The following TSPAN11 variants were observed in gnomAD, a reference collection of about 807,000 sequenced individuals.
TSPAN11 encodes tetraspanin 11.
A neutral mutation model predicts 32.9 loss-of-function variants in TSPAN11; 29 were observed. The ratio of observed to expected loss-of-function variants is 0.88; its 90% CI spans 0.66 to 1.20. The LOEUF is 1.20. TSPAN11 is among the 50% of genes most tolerant of loss of function. The pLI is 0.00. For missense variants in TSPAN11, 283 were observed against 329.1 expected (o/e 0.86, Z 1.08); for synonymous variants, 140 against 141.3 (o/e 0.99, Z 0.07).
At chr12:30,940,911 C>T (rs1351813024) in intron 1 of TSPAN11, among the ~76,000 whole-genome samples, 1 of 152,166 alleles carries the variant, frequency 6.6e-6, no homozygotes, top group African/African-American at 2.4e-5. Flanking sequence ...ATTATGAATT[C>T]ACATGTGAGA....
chr12:30,967,190 G>C (rs539697549), intron 3 of TSPAN11, among the ~76,000 whole-genome samples: 1 of 152,320 alleles, frequency 6.6e-6, no homozygotes, highest in South Asian at 2.1e-4. Context: ...TACACCATCT[G>C]TTCATGAGAT....
At chr12:30,939,878 A>G (rs1044793774) in intron 1 of TSPAN11, among the ~76,000 whole-genome samples, 15 of 152,188 alleles carry the variant, frequency 9.9e-5, no homozygotes, top group Non-Finnish European at 1.8e-4. Flanking sequence ...TCCTGTTCAC[A>G]TTGGTGCCTT....
chr12:30,979,876 G>A (rs1166196808), intron 5 of TSPAN11, among the ~76,000 whole-genome samples: 1 of 152,200 alleles, frequency 6.6e-6, no homozygotes, highest in Admixed American at 6.5e-5. Context: ...AAAACTACCT[G>A]TTGAAGCCTG....
At chr12:30,979,719 A>T in intron 5 of TSPAN11, 49 bp downstream of exon 5, 1 of 1,590,396 alleles carries the variant, frequency 6.3e-7, no homozygotes, top group Non-Finnish European at 8.6e-7. Flanking sequence ...CAAGGATTCA[A>T]ATCCCGACTG....
the TSPAN11 span, among the ~76,000 whole-genome samples, chr12:31,006,635 C>G: frequency 6.6e-6 from 1 of 152,200 alleles, no homozygotes; most frequent in African/African-American, 2.4e-5. Flanking sequence ...AAGGTGCAGG[C>G]CCCTGGCATA....
chr12:30,937,668 A>G lies in TSPAN11; in HGVS notation c.-12+10872A>G, dbSNP rs187729914. On this transcript the variant is annotated intron_variant, in intron 1 of 7. Transcript: ENST00000546076. ...CTGCCCTTTTTGTCTACCATCCCCA[A>G]GGGCAGTGCGTGGTCTCAAAGTGTG... Among the ~76,000 whole-genome samples, 5 of 152,312 alleles carry G rather than the reference A, an allele frequency of 3.3e-5. No homozygotes were observed. In the East Asian group the frequency reaches 9.6e-4, roughly 29 times the overall value.
the TSPAN11 span, among the ~76,000 whole-genome samples, chr12:31,009,747 C>T: frequency 6.6e-6 from 1 of 152,160 alleles, no homozygotes; most frequent in African/African-American, 2.4e-5. Context: ...GGCCTTTAGA[C>T]GAAGCAGTGT....
intron 2 of TSPAN11, among the ~76,000 whole-genome samples, chr12:30,960,472 C>T (rs1938590015): frequency 6.6e-6 from 1 of 152,044 alleles, no homozygotes. Context: ...CCTATGGTAG[C>T]GAGACAAAGA....
In TSPAN11 at chr12:30,994,490, G is replaced by T. The variant is rs1287443459; in HGVS notation, c.*2575G>T. On this transcript the variant is annotated 3_prime_UTR_variant, in exon 8 of 8. Transcript: ENST00000546076. ...GTTCTTGCCCTGCACACTCCATGCTGCCCTTCCCTGAGCTCGCAGGGGCAG... is the reference window on the plus strand; with the variant it reads ...GTTCTTGCCCTGCACACTCCATGCTTCCCTTCCCTGAGCTCGCAGGGGCAG... 1 of 152,220 alleles carries T rather than the reference G, an allele frequency of 6.6e-6. No homozygotes were observed. The highest frequency in any genetic ancestry group is 1.5e-5 in the Non-Finnish European group (1 of 68,052). The allele number at this position is 152,220 out of a possible 1,614,324, so 9.4% of individuals were successfully genotyped here. A position where few individuals can be genotyped will look rare whatever the true frequency, so the allele number is the denominator to read the frequency against.
intron 1 of TSPAN11, among the ~76,000 whole-genome samples, chr12:30,951,514 AT>A (rs1255580666): frequency 3.9e-5 from 6 of 152,214 alleles, no homozygotes; most frequent in African/African-American, 1.4e-4. Flanking sequence ...TGTACTTGCT[AT>A]GTGACTTTGG....
chr12:30,964,097 C>G, intron 3 of TSPAN11, 80 bp downstream of exon 3: 1 of 1,531,106 alleles, frequency 6.5e-7, no homozygotes, highest in South Asian at 1.3e-5. Flanking sequence ...AGAGGGGCCC[C>G]AGCCCTGGAG....
intron 7 of TSPAN11, among the ~76,000 whole-genome samples, chr12:30,987,817 C>G (rs1423109284): frequency 6.6e-6 from 1 of 152,194 alleles, no homozygotes; most frequent in Non-Finnish European, 1.5e-5. Context: ...CCCTCGTGGT[C>G]TTGAAATGCC....
intron 2 of TSPAN11, among the ~76,000 whole-genome samples, chr12:30,961,761 C>A (rs1330448886): frequency 3.3e-5 from 5 of 151,994 alleles, no homozygotes; most frequent in African/African-American, 1.2e-4. Flanking sequence ...AGCTGAGGTC[C>A]GGAGAGGTTA....
At chr12:31,016,286 A>G in the TSPAN11 span, among the ~76,000 whole-genome samples, 1 of 152,028 alleles carries the variant, frequency 6.6e-6, no homozygotes, top group Admixed American at 6.6e-5. Flanking sequence ...TCATGGGTGG[A>G]GTTTGAGGTT....
chr12:30,929,269 C>A lies in TSPAN11; in HGVS notation c.-12+2473C>A, dbSNP rs1009379661. Among the ~76,000 whole-genome samples the A allele has an allele frequency of 2.0e-5, 3 of 152,200 alleles. No homozygotes were observed. In the East Asian group the frequency reaches 5.8e-4, roughly 29 times the overall value. On this transcript the variant is annotated intron_variant, in intron 1 of 7. Coordinates refer to ENST00000546076, the MANE Select transcript of TSPAN11 (RefSeq NM_001370302.1). ...GTACCGCAACTGGAAGAAATCCGCA[C>A]TTGACCCTCAACGAGGATTATAGGC...
chr12:30,940,891 C>G (rs1315292426), intron 1 of TSPAN11, among the ~76,000 whole-genome samples: 1 of 152,194 alleles, frequency 6.6e-6, no homozygotes, highest in East Asian at 1.9e-4. Context: ...CTCATAGGAG[C>G]ACGAACCCTA....
At chr12:30,998,925 G>A (rs1939451325), downstream of TSPAN11, 1 of 152,190 alleles carries the variant, frequency 6.6e-6, no homozygotes, top group Admixed American at 6.5e-5. Context: ...TTTAGGAACT[G>A]GGGTCTCGCC....
At chr12:30,927,110 C>A in intron 1 of TSPAN11, 1 of 1,115,244 alleles carries the variant, frequency 9.0e-7, no homozygotes, top group Non-Finnish European at 1.2e-6. Flanking sequence ...CCTCTGAGGG[C>A]CTCGTGCCGT....
In TSPAN11 at chr12:30,982,586, C is replaced by G. The variant is rs1273705519; in HGVS notation, c.511C>G (p.Leu171Val). The change falls in exon 6 of 8, where the codon CTG becomes GTG. Residue 171 changes from leucine (L) to valine (V), a missense_variant. Leu to Val is a conservative substitution (Grantham distance 32, BLOSUM62 1). Coordinates refer to ENST00000546076, the MANE Select transcript of TSPAN11 (RefSeq NM_001370302.1). ...CGACTGGCAGCACAGCACGTACATC[C>G]TGTTGCGGGAGGCCGAGGGCCGCCA... ...SADWQHSTYI[L>V]LREAEGRQVP... 11 of 1,612,998 alleles carry G rather than the reference C, an allele frequency of 6.8e-6. No individual in the cohort carries two copies. The highest frequency in any genetic ancestry group is 1.3e-5 in the African/African-American group (1 of 74,944).
Sources: gnomAD v4.1 joint callset for allele counts (sites outside exome capture counted in the v4.1 genomes callset) on GRCh38, gnomAD v4.1.1 for gene constraint, MANE v1.5 for transcripts, NCBI Gene and HGNC (gene_info 2026-07-23, HGNC 2026-07-21) for gene names.